The following MYOCD variants were observed in gnomAD, a reference collection of about 807,000 sequenced individuals.
The protein encoded by MYOCD is myocardin.
In MYOCD, 32 loss-of-function variants were observed where a neutral mutation model predicts 96.1. That is an observed-to-expected ratio of 0.33 (90% confidence interval 0.25 to 0.45). The LOEUF (loss-of-function observed/expected upper bound fraction) is 0.45, where lower values mean the gene tolerates loss of function less well. MYOCD is among the 20% of genes least tolerant of loss of function. The pLI, the probability that MYOCD is intolerant of heterozygous loss-of-function variation, is 1.00. For missense variants in MYOCD, 1,133 were observed against 1,200.6 expected (o/e 0.94, Z 0.83); for synonymous variants, 469 against 469.0 (o/e 1.00, Z 0.00).
intron 2 of MYOCD, among the ~76,000 whole-genome samples, chr17:12,712,301 T>C (rs1254097440): frequency 6.6e-6 from 1 of 152,176 alleles, no homozygotes; most frequent in Non-Finnish European, 1.5e-5. Flanking sequence ...GCAATGGATC[T>C]GGTATTGCTC....
At chr17:12,740,097 G>A (rs578231967) in intron 7 of MYOCD, among the ~76,000 whole-genome samples, 33 of 152,118 alleles carry the variant, frequency 2.2e-4, no homozygotes, top group Admixed American at 1.8e-3. Context: ...CACCATGCCC[G>A]GCTAATTTTT....
chr17:12,704,517 A>G (rs560591934), intron 1 of MYOCD, among the ~76,000 whole-genome samples: 104 of 152,346 alleles, frequency 6.8e-4, no homozygotes, highest in African/African-American at 2.3e-3. Context: ...CACAACTCCA[A>G]TAGTCCTTCT....
At chr17:12,737,942 C>CA (rs895467570) in intron 6 of MYOCD, among the ~76,000 whole-genome samples, 8 of 152,154 alleles carry the variant, frequency 5.3e-5, no homozygotes, top group African/African-American at 1.9e-4. Flanking sequence ...AGTGTATAAT[C>CA]AAAGCATTTT....
chr17:12,739,387 G>A (rs2032441517), intron 7 of MYOCD, 59 bp downstream of exon 7: 16 of 1,482,490 alleles, frequency 1.1e-5, no homozygotes, highest in Non-Finnish European at 1.4e-5. Flanking sequence ...AGCCGACTTG[G>A]AGCAGAACTT....
chr17:12,726,063 A>G (rs1410635644), intron 5 of MYOCD, among the ~76,000 whole-genome samples: 1 of 152,136 alleles, frequency 6.6e-6, no homozygotes, highest in Non-Finnish European at 1.5e-5. Flanking sequence ...CATCTATTTC[A>G]TTATTAGTTG....
chr17:12,727,805 C>A (rs1296192906), intron 5 of MYOCD, among the ~76,000 whole-genome samples: 1 of 152,200 alleles, frequency 6.6e-6, no homozygotes, highest in East Asian at 1.9e-4. Flanking sequence ...CAGACATCAT[C>A]CCTCTTGCAG....
Position 12,666,016 on chromosome 17 carries a change from G to T in MYOCD, c.-173G>T. On this transcript the variant is annotated 5_prime_UTR_variant, in exon 1 of 14. Coordinates refer to ENST00000425538, the MANE Select transcript of MYOCD (RefSeq NM_001146312.3). Reference sequence around the variant, plus strand: ...TTAGCCCCGCACGGCGAGGGGGGAGGCGCCAGTTTTCTGGGGACACTGGCT... The same window carrying T: ...TTAGCCCCGCACGGCGAGGGGGGAGTCGCCAGTTTTCTGGGGACACTGGCT... 1 of 548,674 alleles carries T rather than the reference G, an allele frequency of 1.8e-6. No homozygotes were observed. Among genetic ancestry groups the T allele is most frequent in the South Asian group, 2.5e-5 (1 of 40,508 alleles). 34.0% of individuals were successfully genotyped at this position (548,674 alleles called of 1,614,324 possible).
At chr17:12,728,539 G>A (rs1467001216) in intron 5 of MYOCD, among the ~76,000 whole-genome samples, 1 of 152,114 alleles carries the variant, frequency 6.6e-6, no homozygotes, top group Non-Finnish European at 1.5e-5. Flanking sequence ...GAGTGCAATG[G>A]CATGATTTCA....
At chr17:12,697,404 C>T (rs1463612399) in intron 1 of MYOCD, among the ~76,000 whole-genome samples, 39 of 135,728 alleles carry the variant, frequency 2.9e-4, no homozygotes, top group African/African-American at 8.8e-4. Context: ...GCTCTGTCGC[C>T]CAGGCTGGAG....
At chr17:12,707,955 A>G (rs62058049) in intron 2 of MYOCD, among the ~76,000 whole-genome samples, 22,892 of 151,734 alleles carry the variant, frequency 0.15, 1,831 homozygotes, top group Middle Eastern at 0.2. Flanking sequence ...CACTATATAT[A>G]TGTGTGTGTG....
intron 1 of MYOCD, chr17:12,672,057 G>T (rs78127607): frequency 0.11 from 15,978 of 152,100 alleles, 1,489 homozygotes; most frequent in African/African-American, 0.25. Flanking sequence ...CTGGGACTCC[G>T]TGGTCTTGGG....
At chr17:12,731,449 C>G (rs1255244497) in intron 5 of MYOCD, among the ~76,000 whole-genome samples, 1 of 152,168 alleles carries the variant, frequency 6.6e-6, no homozygotes, top group African/African-American at 2.4e-5. Flanking sequence ...AAACTGCCTC[C>G]CGGGTGGTCT....
At chr17:12,727,505 G>C (rs764409185) in intron 5 of MYOCD, among the ~76,000 whole-genome samples, 6 of 152,098 alleles carry the variant, frequency 3.9e-5, no homozygotes, top group Admixed American at 6.6e-5. Flanking sequence ...CCTTGGTTGT[G>C]GTTGCACTGT....
intron 2 of MYOCD, 125 bp from the exon 3 acceptor site, chr17:12,715,394 T>C: frequency 1.5e-6 from 1 of 653,580 alleles, no homozygotes; most frequent in Admixed American, 2.9e-5. Flanking sequence ...TCTCATTGCT[T>C]GTGGCCTAAT....
At chr17:12,723,091 G>A (rs2031895269) in intron 5 of MYOCD, 83 bp downstream of exon 5, 1 of 1,337,198 alleles carries the variant, frequency 7.5e-7, no homozygotes, top group Non-Finnish European at 1.0e-6. Context: ...TAGGATCTTT[G>A]GGGATGAGGG....
rs55758881 is a variant in MYOCD at position 12,698,729 on chromosome 17, C to CTTTT, written c.56-6373_56-6370dup. On this transcript the variant is annotated intron_variant, in intron 1 of 13. Transcript: ENST00000425538. ...GAAATTTTGTCTCCTACCAGACCCT[C>CTTTT]TTTTTTTTTTTTTTTTTTTTTTTTT... Among the ~76,000 whole-genome samples, 41 of 64,138 alleles carry CTTTT rather than the reference C, an allele frequency of 6.4e-4. 1 individual carries two copies. Among genetic ancestry groups the CTTTT allele is most frequent in the East Asian group, 2.9e-3 (5 of 1,752 alleles). The allele number at this position is 64,138 out of a possible 152,430, so 42.1% of individuals were successfully genotyped here.
At chr17:12,728,529 G>T (rs2032067511) in intron 5 of MYOCD, among the ~76,000 whole-genome samples, 1 of 152,110 alleles carries the variant, frequency 6.6e-6, no homozygotes, top group Non-Finnish European at 1.5e-5. Context: ...GCCCAGGCTG[G>T]AGTGCAATGG....
chr17:12,675,223 A>G (rs1443115928), intron 1 of MYOCD, among the ~76,000 whole-genome samples: 1 of 152,206 alleles, frequency 6.6e-6, no homozygotes, highest in South Asian at 2.1e-4. Context: ...GCAAAATTTT[A>G]AAATGTTGAT....
At chr17:12,709,615 A>G (rs2031417685) in intron 2 of MYOCD, among the ~76,000 whole-genome samples, 1 of 152,236 alleles carries the variant, frequency 6.6e-6, no homozygotes, top group Non-Finnish European at 1.5e-5. Context: ...CTTATTGTTT[A>G]GATTTATCTC....
Sources: gnomAD v4.1 joint callset for allele counts (sites outside exome capture counted in the v4.1 genomes callset) on GRCh38, gnomAD v4.1.1 for gene constraint, MANE v1.5 for transcripts, NCBI Gene and HGNC (gene_info 2026-07-23, HGNC 2026-07-21) for gene names.